CDH23: variants seen among roughly 807,000 people sequenced by gnomAD.
CDH23 encodes cadherin-23.
CDH23 carries 189 observed loss-of-function variants against 317.1 expected under a neutral mutation model. That is an observed-to-expected ratio of 0.60 (90% confidence interval 0.53 to 0.67). The LOEUF is 0.67. Ranked by LOEUF, CDH23 falls within the 30% of genes least tolerant of loss-of-function variation. The pLI is 0.00. For missense variants in CDH23, 4,401 were observed against 4,592.4 expected (o/e 0.96, Z 1.20); for synonymous variants, 1,839 against 1,876.8 (o/e 0.98, Z 0.52).
chr10:71,690,322 C>T, intron 19 of CDH23, 146 bp from the exon 20 acceptor site: 1 of 574,540 alleles, frequency 1.7e-6, no homozygotes, highest in Non-Finnish European at 3.1e-6. Flanking sequence ...AACAGGCAGG[C>T]CTCCCACCTC....
chr10:71,472,331 C>T (rs771485850), intron 3 of CDH23, among the ~76,000 whole-genome samples: 1 of 152,228 alleles, frequency 6.6e-6, no homozygotes, highest in Non-Finnish European at 1.5e-5. Flanking sequence ...TCCCTTGTCC[C>T]TCCCGCAAAG....
Position 71,741,917 on chromosome 10 carries a change from T to C in CDH23, c.4841T>C (p.Leu1614Pro), listed in dbSNP as rs1220666576. 23 of 1,592,922 alleles carry C rather than the reference T, an allele frequency of 1.4e-5. No individual in the cohort carries two copies. The highest frequency in any genetic ancestry group is 2.0e-5 in the Non-Finnish European group (23 of 1,169,048). Residue 1614 changes from leucine to proline, a missense_variant, in exon 38 of 70, where the codon CTG (leucine) becomes CCG (proline). Physicochemically the swap from Leu to Pro is moderately conservative, Grantham distance 98. Transcript: ENST00000224721. ...ATVEDEGTPT[L>P]SATTHVYVTI... is the part of the protein sequence containing the mutation. Reference sequence around the variant, plus strand: ...GTGGAGGACGAGGGCACCCCAACCCTGTCGGTGAGCGATGGGGGTGGCCAC... The same window carrying C: ...GTGGAGGACGAGGGCACCCCAACCCCGTCGGTGAGCGATGGGGGTGGCCAC...
chr10:71,615,275 A>G (rs894300560), intron 9 of CDH23, among the ~76,000 whole-genome samples: 5 of 152,144 alleles, frequency 3.3e-5, no homozygotes, highest in African/African-American at 4.8e-5. Flanking sequence ...CCAGAAGGAG[A>G]TTGGAAAGGC....
At chr10:71,580,971 G>A (rs1858588546) in intron 9 of CDH23, among the ~76,000 whole-genome samples, 1 of 152,162 alleles carries the variant, frequency 6.6e-6, no homozygotes. Context: ...GGAGCAGGTG[G>A]ACAGCAGGCT....
In CDH23 at chr10:71,608,367, A is replaced by G. The variant is rs549172291; in HGVS notation, c.833-7137A>G. 3.9e-5 allele frequency among the ~76,000 whole-genome samples: 6 copies of G among 152,298 alleles called. No individual in the cohort carries two copies. In the South Asian group the frequency reaches 1.2e-3, roughly 32 times the overall value. ...AGGCCACAGTGGAGATCAGGATCGC[A>G]CAGGTCAATCTCATCCAGCCTCCTG... On this transcript the variant is annotated intron_variant, in intron 9 of 69. Transcript: ENST00000224721.
At chr10:71,646,915 G>T in intron 14 of CDH23, 1 of 1,414,328 alleles carries the variant, frequency 7.1e-7, no homozygotes. Flanking sequence ...GGGAGCCCTG[G>T]AAGCCCCCTC....
At chr10:71,566,009 C>T (rs1857376626) in intron 6 of CDH23, among the ~76,000 whole-genome samples, 1 of 152,156 alleles carries the variant, frequency 6.6e-6, no homozygotes, top group South Asian at 2.1e-4. Flanking sequence ...CTGCTGGGTT[C>T]AAGAAGTATA....
At chr10:71,578,075 G>A (rs1858344022) in intron 9 of CDH23, 83 bp downstream of exon 9, 1 of 1,374,474 alleles carries the variant, frequency 7.3e-7, no homozygotes. Context: ...AGGCTCTGAG[G>A]GCTAAGGAGA....
chr10:71,662,272 C>G (rs1038309287), intron 14 of CDH23, among the ~76,000 whole-genome samples: 2 of 152,092 alleles, frequency 1.3e-5, no homozygotes, highest in Non-Finnish European at 2.9e-5. Context: ...GCCGCATGTG[C>G]CAACCCAATC....
intron 9 of CDH23, among the ~76,000 whole-genome samples, chr10:71,598,695 C>T (rs940893644): frequency 7.9e-5 from 12 of 152,232 alleles, no homozygotes; most frequent in Non-Finnish European, 1.8e-4. Flanking sequence ...TTCAAAAAAG[C>T]GGCCAGAGGC....
At chr10:71,804,733 T>C (rs1264324143) in intron 55 of CDH23, among the ~76,000 whole-genome samples, 1 of 152,226 alleles carries the variant, frequency 6.6e-6, no homozygotes, top group Non-Finnish European at 1.5e-5. Context: ...GGACAGGGCT[T>C]ACACCTTGCT....
chr10:71,797,308 A>C, intron 49 of CDH23, 88 bp downstream of exon 49: 1 of 894,794 alleles, frequency 1.1e-6, no homozygotes, highest in East Asian at 2.7e-5. Context: ...GTCTGTCCCC[A>C]GGGAGGGAGC....
At chr10:71,646,036 G>A in intron 13 of CDH23, 56 bp downstream of exon 13, 3 of 1,581,522 alleles carry the variant, frequency 1.9e-6, no homozygotes, top group Non-Finnish European at 2.6e-6. Flanking sequence ...TTTCAGGGGA[G>A]GCGAGGGTAG....
At chr10:71,643,061 A>T (rs182148352) in intron 11 of CDH23, among the ~76,000 whole-genome samples, 1 of 152,336 alleles carries the variant, frequency 6.6e-6, no homozygotes, top group Non-Finnish European at 1.5e-5. Flanking sequence ...CCTGACCAAG[A>T]GTAGGTGCTA....
intron 16 of CDH23, 106 bp from the exon 17 acceptor site, chr10:71,679,281 G>C (rs1485204641): frequency 6.2e-6 from 5 of 812,426 alleles, no homozygotes; most frequent in Admixed American, 6.1e-5. Context: ...ACCCAAAAAA[G>C]GAGCTGTGAA....
At chr10:71,797,472 G>T (rs1564798858) in intron 49 of CDH23, among the ~76,000 whole-genome samples, 1 of 152,180 alleles carries the variant, frequency 6.6e-6, no homozygotes, top group Non-Finnish European at 1.5e-5. Flanking sequence ...GAACCCCCAG[G>T]CTGAGAGTAG....
chr10:71,522,259 G>C lies in CDH23; in HGVS notation c.429+11047G>C, dbSNP rs959126764. ...GCATTTGTGTAACTGCACCCGGATC[G>C]AGAAGCAGAGCCTCACCAGCATCTA... On this transcript the variant is annotated intron_variant, in intron 6 of 69. Coordinates refer to ENST00000224721, the MANE Select transcript of CDH23 (RefSeq NM_022124.6). 2.0e-5 allele frequency among the ~76,000 whole-genome samples: 3 copies of C among 152,206 alleles called. No homozygotes were observed. In the South Asian group the frequency reaches 6.2e-4, roughly 32 times the overall value.
chr10:71,430,616 T>C (rs1045252109), intron 1 of CDH23, among the ~76,000 whole-genome samples: 1 of 152,162 alleles, frequency 6.6e-6, no homozygotes, highest in African/African-American at 2.4e-5. Context: ...CGAGACAACC[T>C]GACCAACATG....
chr10:71,566,826 C>A lies in CDH23; in HGVS notation c.514C>A (p.Gln172Lys). The change falls in exon 7 of 70, where the codon CAG (glutamine) becomes AAG (lysine). Residue 172 changes from glutamine (Q) to lysine (K), a missense_variant. Physicochemically the swap from Gln to Lys is moderately conservative, Grantham distance 53. Coordinates refer to ENST00000224721, the MANE Select transcript of CDH23 (RefSeq NM_022124.6). ...AGGGGGCAGCGTCCTCTACTCCTTC[C>A]AGCCCCCCTCCCAATTCTTCGCCAT... Reference protein sequence around the residue: ...GAGGSVLYSFQPPSQFFAIDS... With the variant: ...GAGGSVLYSFKPPSQFFAIDS... 1 of 1,614,014 alleles carries A rather than the reference C, an allele frequency of 6.2e-7. No individual in the cohort carries two copies. Among genetic ancestry groups the A allele is most frequent in the Non-Finnish European group, 8.5e-7 (1 of 1,179,898 alleles).
Sources: allele counts gnomAD v4.1 joint callset (sites outside exome capture counted in the v4.1 genomes callset), GRCh38; gene constraint gnomAD v4.1.1; transcripts MANE v1.5; gene names NCBI Gene and HGNC (gene_info 2026-07-23, HGNC 2026-07-21).